Variants in CPQ observed in about 807,000 individuals in gnomAD.
The protein encoded by CPQ is carboxypeptidase Q, also known as Ser-Met dipeptidase.
Under a neutral mutation model 45.7 loss-of-function variants are expected in CPQ, and 37 were observed. That is an observed-to-expected ratio of 0.81 (90% CI 0.62 to 1.07). CPQ has a LOEUF of 1.07. Ranked by LOEUF, CPQ falls within the 50% of genes least tolerant of loss-of-function variation. The probability of loss-of-function intolerance (pLI) is 0.00; values close to 1 mark genes in which losing one functional copy is unlikely to be tolerated. For missense variants in CPQ, 537 were observed against 572.9 expected (o/e 0.94, Z 0.64); for synonymous variants, 186 against 205.8 (o/e 0.90, Z 0.82).
intron 4 of CPQ, among the ~76,000 whole-genome samples, chr8:96,881,823 GTGTT>G (rs1250173766): frequency 6.6e-6 from 1 of 152,312 alleles, no homozygotes; most frequent in Non-Finnish European, 1.5e-5. Context: ...GCTTTGTTGA[GTGTT>G]TGGCACATCA....
chr8:97,001,380 T>C (rs1236605431), intron 5 of CPQ, among the ~76,000 whole-genome samples: 1 of 152,228 alleles, frequency 6.6e-6, no homozygotes, highest in Non-Finnish European at 1.5e-5. Flanking sequence ...GGCTGTGGGT[T>C]TGCCATATAT....
At chr8:96,859,039 T>C (rs1811893469) in intron 3 of CPQ, among the ~76,000 whole-genome samples, 1 of 152,198 alleles carries the variant, frequency 6.6e-6, no homozygotes, top group Admixed American at 6.5e-5. Context: ...ATGCCTAATA[T>C]TTTTTTGTTT....
intron 7 of CPQ, among the ~76,000 whole-genome samples, chr8:97,077,257 G>T (rs1451911308): frequency 1.3e-5 from 2 of 152,102 alleles, no homozygotes; most frequent in Admixed American, 1.3e-4. Context: ...GTTAGTCAAG[G>T]TCTACAGTAT....
chr8:96,995,141 T>A (rs1365686468), intron 5 of CPQ, among the ~76,000 whole-genome samples: 2 of 152,122 alleles, frequency 1.3e-5, no homozygotes, highest in African/African-American at 2.4e-5. Flanking sequence ...TTGTTGGGTA[T>A]TTTAACTTGG....
At chr8:96,926,607 TCTTCTTCTTCTTCTTCTCCTCCTTCTC>T (rs1812889067) in intron 4 of CPQ, among the ~76,000 whole-genome samples, 1 of 147,174 alleles carries the variant, frequency 6.8e-6, no homozygotes, top group South Asian at 2.1e-4. Flanking sequence ...TTCTTCTTCT[TCTTCTTCTTCTTCTTCTCCTCCTTCTC>T]CTTCTTCTTC....
chr8:96,670,176 A>G (rs1370804343), intron 1 of CPQ, among the ~76,000 whole-genome samples: 1 of 152,188 alleles, frequency 6.6e-6, no homozygotes, highest in Non-Finnish European at 1.5e-5. Flanking sequence ...TCACCAACAA[A>G]AAGTACAAAC....
intron 3 of CPQ, among the ~76,000 whole-genome samples, chr8:96,860,350 G>C (rs762039513): frequency 1.6e-4 from 25 of 152,126 alleles, no homozygotes; most frequent in Non-Finnish European, 3.1e-4. Flanking sequence ...CAGTTGAAAA[G>C]CTTAGCTATT....
intron 7 of CPQ, among the ~76,000 whole-genome samples, chr8:97,076,274 T>A (rs1810845079): frequency 6.6e-6 from 1 of 152,194 alleles, no homozygotes; most frequent in Non-Finnish European, 1.5e-5. Context: ...TCCTCCTGCC[T>A]CAGCCTCCCA....
At chr8:97,133,232 A>G (rs1412010023) in intron 7 of CPQ, 1 of 152,162 alleles carries the variant, frequency 6.6e-6, no homozygotes, top group Non-Finnish European at 1.5e-5. Context: ...GTAAATACAT[A>G]TATGTAATTT....
chr8:97,004,967 T>G (rs1389994868), intron 5 of CPQ, among the ~76,000 whole-genome samples: 3 of 152,032 alleles, frequency 2.0e-5, no homozygotes, highest in African/African-American at 7.3e-5. Context: ...GAAAGAAAAT[T>G]TTTTTATGAA....
intron 1 of CPQ, among the ~76,000 whole-genome samples, chr8:96,665,167 G>C (rs1220593786): frequency 1.3e-5 from 2 of 152,118 alleles, no homozygotes; most frequent in African/African-American, 4.8e-5. Context: ...ATCGATTGTA[G>C]AGAGCCAGGG....
At chr8:97,140,596 T>C (rs1812141913) in intron 7 of CPQ, among the ~76,000 whole-genome samples, 1 of 152,034 alleles carries the variant, frequency 6.6e-6, no homozygotes, top group Non-Finnish European at 1.5e-5. Flanking sequence ...TTTTCATGGA[T>C]AAGAACACAA....
intron 2 of CPQ, among the ~76,000 whole-genome samples, chr8:96,826,197 G>T (rs1023594751): frequency 3.3e-5 from 5 of 152,052 alleles, no homozygotes; most frequent in African/African-American, 1.2e-4. Flanking sequence ...GAATTCTTCA[G>T]ATTTGTTTGT....
At chr8:96,976,326 A>C (rs989355714) in intron 5 of CPQ, among the ~76,000 whole-genome samples, 1 of 151,844 alleles carries the variant, frequency 6.6e-6, no homozygotes, top group Non-Finnish European at 1.5e-5. Context: ...GTAAAACTAA[A>C]AAGCTCTGCT....
At chr8:96,882,256 G>T (rs1381742581) in intron 4 of CPQ, among the ~76,000 whole-genome samples, 1 of 152,248 alleles carries the variant, frequency 6.6e-6, no homozygotes, top group African/African-American at 2.4e-5. Context: ...GAACTCAGTA[G>T]AATCACAGGG....
chr8:97,071,660 T>C (rs1810746290), intron 7 of CPQ, among the ~76,000 whole-genome samples: 1 of 152,178 alleles, frequency 6.6e-6, no homozygotes, highest in Non-Finnish European at 1.5e-5. Context: ...TTTCACCTAA[T>C]TGGCTCACTG....
At chr8:96,824,771 G>A (rs1040253317) in intron 2 of CPQ, among the ~76,000 whole-genome samples, 4 of 151,916 alleles carry the variant, frequency 2.6e-5, no homozygotes, top group Non-Finnish European at 4.4e-5. Context: ...TTTCTTAATT[G>A]GTAGCTCATC....
At chr8:96,795,558 G>A (rs1810917120) in intron 2 of CPQ, among the ~76,000 whole-genome samples, 1 of 151,940 alleles carries the variant, frequency 6.6e-6, no homozygotes, top group African/African-American at 2.4e-5. Context: ...ATAAACTTGT[G>A]TTCACACTGC....
At chr8:96,937,063 A>G (rs181598467) in intron 4 of CPQ, among the ~76,000 whole-genome samples, 4 of 150,858 alleles carry the variant, frequency 2.7e-5, no homozygotes, top group African/African-American at 9.8e-5. Context: ...ACTCTATGTC[A>G]TTGTCTCTTA....
Sources: gnomAD v4.1 joint callset for allele counts (sites outside exome capture counted in the v4.1 genomes callset) on GRCh38, gnomAD v4.1.1 for gene constraint, MANE v1.5 for transcripts, NCBI Gene and HGNC (gene_info 2026-07-23, HGNC 2026-07-21) for gene names.